The following ARB2A variants were observed in gnomAD, a reference collection of about 807,000 sequenced individuals.
The protein encoded by ARB2A is ARB2 cotranscriptional regulator A.
chr5:94,025,211 G>T, the ARB2A span, among the ~76,000 whole-genome samples: 1 of 152,168 alleles, frequency 6.6e-6, no homozygotes, highest in Non-Finnish European at 1.5e-5. Flanking sequence ...ACACAGGGTA[G>T]CTTAAATAAC....
the ARB2A span, among the ~76,000 whole-genome samples, chr5:94,089,642 C>A: frequency 6.7e-6 from 1 of 148,402 alleles, no homozygotes; most frequent in Non-Finnish European, 1.5e-5. Context: ...CACACACACA[C>A]TGCAGAGGGA....
chr5:93,979,103 T>C, the ARB2A span, among the ~76,000 whole-genome samples: 1 of 152,128 alleles, frequency 6.6e-6, no homozygotes, highest in Non-Finnish European at 1.5e-5. Context: ...TATAACAAAG[T>C]ATCACAAGTA....
chr5:93,812,094 C>G, the ARB2A span, among the ~76,000 whole-genome samples: 1 of 151,980 alleles, frequency 6.6e-6, no homozygotes, highest in Non-Finnish European at 1.5e-5. Context: ...ACACATGCTA[C>G]CAGATGTTAA....
the ARB2A span, chr5:93,619,821 A>G: frequency 6.6e-6 from 1 of 152,238 alleles, no homozygotes. Context: ...GCGGAGTGCT[A>G]AAAATTATAC....
At chr5:94,065,473 T>C in the ARB2A span, among the ~76,000 whole-genome samples, 23 of 152,228 alleles carry the variant, frequency 1.5e-4, no homozygotes, top group African/African-American at 4.1e-4. Context: ...GTGATCATAT[T>C]ACTGCACTCC....
the ARB2A span, chr5:93,964,566 A>C: frequency 7.0e-7 from 1 of 1,423,188 alleles, no homozygotes. Context: ...AATGTCATCC[A>C]TTATCAAAAC....
the ARB2A span, among the ~76,000 whole-genome samples, chr5:93,990,505 C>T: frequency 6.6e-6 from 1 of 150,416 alleles, no homozygotes; most frequent in Non-Finnish European, 1.5e-5. Flanking sequence ...CTGGGAACTA[C>T]TATTGTAAGA....
chr5:93,689,697 CTT>C, the ARB2A span, among the ~76,000 whole-genome samples: 1 of 146,462 alleles, frequency 6.8e-6, no homozygotes, highest in African/African-American at 2.5e-5. Flanking sequence ...TGTTTTCTCT[CTT>C]TTTTTTTTTT....
At chr5:93,712,811 C>T in the ARB2A span, among the ~76,000 whole-genome samples, 2 of 152,128 alleles carry the variant, frequency 1.3e-5, no homozygotes, top group Non-Finnish European at 2.9e-5. Context: ...AATTATACTA[C>T]AGAGCTATAG....
the ARB2A span, among the ~76,000 whole-genome samples, chr5:93,927,681 T>G: frequency 2.5e-4 from 38 of 152,126 alleles, 1 homozygote; most frequent in African/African-American, 8.9e-4. Context: ...CGAATTTAGG[T>G]GGAGAAAAGA....
the ARB2A span, among the ~76,000 whole-genome samples, chr5:94,102,026 C>A: frequency 6.9e-6 from 1 of 144,520 alleles, no homozygotes; most frequent in Non-Finnish European, 1.5e-5. Flanking sequence ...TGAATAATTA[C>A]AAAATGAAAC....
At chr5:93,848,337 C>T in the ARB2A span, among the ~76,000 whole-genome samples, 2 of 150,676 alleles carry the variant, frequency 1.3e-5, no homozygotes, top group East Asian at 3.9e-4. Flanking sequence ...GAGCTGAGAT[C>T]GTGCCACTGC....
chr5:93,720,059 A>G, the ARB2A span, among the ~76,000 whole-genome samples: 1 of 152,144 alleles, frequency 6.6e-6, no homozygotes, highest in African/African-American at 2.4e-5. Context: ...CCGTTTATGA[A>G]TTCTTTGTAA....
chr5:93,985,955 C>T, the ARB2A span, among the ~76,000 whole-genome samples: 4 of 150,774 alleles, frequency 2.7e-5, no homozygotes, highest in Non-Finnish European at 5.9e-5. Context: ...TCTTCCCGGC[C>T]GTCATCCCAT....
At chr5:93,970,843 T>G in the ARB2A span, among the ~76,000 whole-genome samples, 1 of 152,166 alleles carries the variant, frequency 6.6e-6, no homozygotes, top group Admixed American at 6.5e-5. Context: ...ACATTATTCG[T>G]TTGCTTAGAA....
chr5:93,894,141 A>G, the ARB2A span, among the ~76,000 whole-genome samples: 1 of 152,354 alleles, frequency 6.6e-6, no homozygotes, highest in African/African-American at 2.4e-5. Flanking sequence ...TCTGTTGTGT[A>G]AAGTTGAAGT....
the ARB2A span, among the ~76,000 whole-genome samples, chr5:93,768,109 GT>G: frequency 6.7e-6 from 1 of 149,040 alleles, no homozygotes; most frequent in African/African-American, 2.5e-5. Flanking sequence ...GGAAAACCAA[GT>G]ATCATATGTT....
the ARB2A span, among the ~76,000 whole-genome samples, chr5:93,832,837 A>G: frequency 6.6e-6 from 1 of 152,124 alleles, no homozygotes; most frequent in Admixed American, 6.5e-5. Context: ...CCATTTCGAA[A>G]TTTATTATCT....
At chr5:93,975,316 CAAAAAAAAA>C in the ARB2A span, among the ~76,000 whole-genome samples, 4 of 61,862 alleles carry the variant, frequency 6.5e-5, no homozygotes, top group African/African-American at 2.6e-4. Context: ...GACTCCATCT[CAAAAAAAAA>C]AAAAAAAAAA....
Sources: allele counts gnomAD v4.1 joint callset (sites outside exome capture counted in the v4.1 genomes callset), GRCh38; gene constraint gnomAD v4.1.1; transcripts MANE v1.5; gene names NCBI Gene and HGNC (gene_info 2026-07-23, HGNC 2026-07-21).